The following TRAF3IP2 variants were observed in gnomAD, a reference collection of about 807,000 sequenced individuals.
TRAF3IP2 encodes the protein TRAF3 interacting protein 2.
In TRAF3IP2, 35 loss-of-function variants were observed where a neutral mutation model predicts 57.9. The ratio of observed to expected loss-of-function variants is 0.60; its 90% CI spans 0.46 to 0.80. TRAF3IP2 has a LOEUF of 0.80. Ranked by LOEUF, TRAF3IP2 falls within the 30% of genes least tolerant of loss-of-function variation. The pLI is 0.00. For missense variants in TRAF3IP2, 556 were observed against 706.4 expected (o/e 0.79, Z 2.41); for synonymous variants, 251 against 268.9 (o/e 0.93, Z 0.65).
chr6:111,581,553 G>A (rs184679753), intron 2 of TRAF3IP2, among the ~76,000 whole-genome samples: 1 of 152,142 alleles, frequency 6.6e-6, no homozygotes, highest in Non-Finnish European at 1.5e-5. Context: ...GATTATAAAT[G>A]TAATAATCAA....
At chr6:111,605,557 G>A (rs895086919) in intron 1 of TRAF3IP2, among the ~76,000 whole-genome samples, 40 of 152,324 alleles carry the variant, frequency 2.6e-4, no homozygotes, top group African/African-American at 8.9e-4. Flanking sequence ...GGGGCTCGCT[G>A]GCCTGAAATA....
chr6:111,594,007 T>G (rs796428859), intron 1 of TRAF3IP2, among the ~76,000 whole-genome samples: 32 of 152,062 alleles, frequency 2.1e-4, no homozygotes, highest in African/African-American at 7.5e-4. Context: ...GGCATGTGCC[T>G]GTAATCCCAG....
chr6:111,592,183 A>G, intron 1 of TRAF3IP2, 89 bp from the exon 2 acceptor site: 1 of 1,147,108 alleles, frequency 8.7e-7, no homozygotes, highest in Non-Finnish European at 1.3e-6. Flanking sequence ...CTCATTCAAG[A>G]TGTGGTTTAA....
Position 111,572,115 on chromosome 6 carries a change from T to A in TRAF3IP2, c.1290+780A>T, listed in dbSNP as rs905341659. Reference sequence around the variant, plus strand: ...CTAGAAAAGGCCTAGAAGAGGGCTCTGGAAAGGAAAAGAAGTTATCTCAGT... The same window carrying A: ...CTAGAAAAGGCCTAGAAGAGGGCTCAGGAAAGGAAAAGAAGTTATCTCAGT... On this transcript the variant is annotated intron_variant, in intron 5 of 8. Coordinates refer to ENST00000368761, the MANE Select transcript of TRAF3IP2 (RefSeq NM_147686.4). 2.0e-5 allele frequency among the ~76,000 whole-genome samples: 3 copies of A among 152,194 alleles called. No homozygotes were observed. In the East Asian group the frequency reaches 5.8e-4, roughly 29 times the overall value.
At chr6:111,596,505 G>A (rs1243423101) in intron 1 of TRAF3IP2, among the ~76,000 whole-genome samples, 1 of 152,188 alleles carries the variant, frequency 6.6e-6, no homozygotes, top group African/African-American at 2.4e-5. Context: ...CCAGGTTGGA[G>A]TGCAGTGGCA....
intron 1 of TRAF3IP2, 121 bp from the exon 2 acceptor site, chr6:111,592,215 T>G (rs1290731569): frequency 1.2e-5 from 10 of 847,204 alleles, no homozygotes; most frequent in Non-Finnish European, 3.8e-6. Flanking sequence ...GACACCAATG[T>G]GCTTGCAAAG....
intron 6 of TRAF3IP2, chr6:111,566,937 C>A (rs899095628): frequency 1.2e-5 from 4 of 345,344 alleles, no homozygotes; most frequent in African/African-American, 8.6e-5. Flanking sequence ...AGCTGCCAGT[C>A]ACTGCACTCG....
chr6:111,572,880 G>C lies in TRAF3IP2; in HGVS notation c.1290+15C>G. The stretch of plus-strand genomic sequence containing the variant: ...ACTATAACTGTTCAGTTATCTATTT[G>C]GACAAAATACTTACTGCAGTTTGGA... On this transcript the variant is annotated intron_variant, in intron 5 of 8. Transcript: ENST00000368761. The C allele has an allele frequency of 6.2e-7, 1 of 1,603,606 alleles. No homozygotes were observed. Among genetic ancestry groups the C allele is most frequent in the African/African-American group, 1.3e-5 (1 of 74,672 alleles).
rs1795650794 is a variant in TRAF3IP2 at position 111,566,673 on chromosome 6, C to CTCTTTCTA, written c.1360-114_1360-113insTAGAAAGA. ...CTCATTCTCCATAGAAAGAGAAGCA[C>CTCTTTCTA]TGGCCCCCACTCAGGCAGACTCTTA... On this transcript the variant is annotated intron_variant, in intron 6 of 8. Coordinates refer to ENST00000368761, the MANE Select transcript of TRAF3IP2 (RefSeq NM_147686.4). 4 of 909,394 alleles carry CTCTTTCTA rather than the reference C, an allele frequency of 4.4e-6. No individual in the cohort carries two copies. The East Asian group carries it at 9.6e-5, about 22-fold the overall frequency. 56.3% of individuals were successfully genotyped at this position (909,394 alleles called of 1,614,324 possible). A position where few individuals can be genotyped will look rare whatever the true frequency, so the allele number is the denominator to read the frequency against.
intron 2 of TRAF3IP2, among the ~76,000 whole-genome samples, chr6:111,584,287 G>A (rs1168330072): frequency 2.0e-5 from 3 of 152,142 alleles, no homozygotes; most frequent in Admixed American, 1.3e-4. Flanking sequence ...TTTCAGAAAC[G>A]GCCACCTGTG....
intron 6 of TRAF3IP2, chr6:111,566,915 C>T: frequency 2.8e-6 from 1 of 357,412 alleles, no homozygotes; most frequent in Non-Finnish European, 5.3e-6. Context: ...TCCCTCCCTC[C>T]AGCTGGTTCT....
intron 1 of TRAF3IP2, among the ~76,000 whole-genome samples, 198 bp downstream of exon 1, chr6:111,605,578 A>C (rs1349819138): frequency 6.6e-6 from 1 of 152,196 alleles, no homozygotes; most frequent in Non-Finnish European, 1.5e-5. Context: ...CTATACTAGC[A>C]ACACATCCTT....
Position 111,580,222 on chromosome 6 carries a change from A to G in TRAF3IP2, c.997T>C (p.Ser333Pro). ...TGGTGCCTTGGAAGCCCCGGAAAGG[A>G]GCAGTCTCTCTGTGCGGGCCTCTCT... Reference protein sequence around the residue: ...HEERPAQRDCSFPGLPRHQDQ... With the variant: ...HEERPAQRDCPFPGLPRHQDQ... The change falls in exon 3 of 9, where the codon TCC becomes CCC. Residue 333 changes from serine (S) to proline (P), a missense_variant. By Grantham distance (74) the Ser-to-Pro change is moderately conservative (BLOSUM62 -1). Transcript: ENST00000368761. The G allele has an allele frequency of 1.9e-6, 3 of 1,614,162 alleles. No homozygotes were observed. Among genetic ancestry groups the G allele is most frequent in the Non-Finnish European group, 2.5e-6 (3 of 1,180,020 alleles).
chr6:111,580,495 G>A, intron 2 of TRAF3IP2, 106 bp from the exon 3 acceptor site: 1 of 989,936 alleles, frequency 1.0e-6, no homozygotes, highest in Non-Finnish European at 1.4e-6. Context: ...CCAGCTGAGG[G>A]GTCCAGATAT....
In TRAF3IP2 at chr6:111,558,267, C is replaced by A. The variant is rs1460472144; in HGVS notation, c.*1138G>T. On this transcript the variant is annotated 3_prime_UTR_variant, in exon 9 of 9. Coordinates refer to ENST00000368761, the MANE Select transcript of TRAF3IP2 (RefSeq NM_147686.4). Reference sequence around the variant, plus strand: ...TCATACAGCTAATTGGTGGTAGAACCAAAATTAGAACACAGACTACAATTC... The same window carrying A: ...TCATACAGCTAATTGGTGGTAGAACAAAAATTAGAACACAGACTACAATTC... 1 of 152,096 alleles carries A rather than the reference C, an allele frequency of 6.6e-6. No individual in the cohort carries two copies. Among genetic ancestry groups the A allele is most frequent in the African/African-American group, 2.4e-5 (1 of 41,404 alleles). 9.4% of individuals were successfully genotyped at this position (152,096 alleles called of 1,614,324 possible).
Position 111,559,491 on chromosome 6 carries a change from T to C in TRAF3IP2, c.1612A>G (p.Asn538Asp). ...HVYSWPKNKK[N>D]ILLRLLREEE... is the part of the protein sequence containing the mutation. ...TCTCTCAGCAGCCGCAGCAGGATGT[T>C]TTTTTTATTCTTGGGCCAGCTGTAG... Residue 538 changes from asparagine (N) to aspartate (D), a missense_variant, in exon 9 of 9, where the codon AAC (asparagine) becomes GAC (aspartate). Physicochemically the swap from Asn to Asp is conservative, Grantham distance 23. This residue lies in a region of TRAF3IP2 where 128 missense variants were observed against 207.7 expected (regional missense o/e 0.62). Transcript: ENST00000368761. 1 of 1,614,168 alleles carries C rather than the reference T, an allele frequency of 6.2e-7. No homozygotes were observed. The highest frequency in any genetic ancestry group is 1.1e-5 in the South Asian group (1 of 91,086).
chr6:111,567,734 T>A, intron 5 of TRAF3IP2, 42 bp from the exon 6 acceptor site: 1 of 1,515,142 alleles, frequency 6.6e-7, no homozygotes, highest in Non-Finnish European at 9.0e-7. Context: ...TAATGAGAGG[T>A]TCTCTCAAGA....
At chr6:111,603,017 A>G (rs1269162286) in intron 1 of TRAF3IP2, among the ~76,000 whole-genome samples, 1 of 152,118 alleles carries the variant, frequency 6.6e-6, no homozygotes, top group Non-Finnish European at 1.5e-5. Context: ...CATGGATGGA[A>G]GCCCACCCTT....
intron 4 of TRAF3IP2, 62 bp from the exon 5 acceptor site, chr6:111,573,045 C>G: frequency 5.4e-6 from 7 of 1,284,914 alleles, no homozygotes; most frequent in Non-Finnish European, 5.6e-6. Context: ...AAACAAACTT[C>G]TAAATTATAT....
Sources: gnomAD v4.1 joint callset for allele counts (sites outside exome capture counted in the v4.1 genomes callset) on GRCh38, gnomAD v4.1.1 for gene constraint, gnomAD v4.1.1 regional missense constraint, MANE v1.5 for transcripts, NCBI Gene and HGNC (gene_info 2026-07-23, HGNC 2026-07-21) for gene names.